KCNMB2: variants seen among roughly 807,000 people sequenced by gnomAD.
KCNMB2 encodes calcium-activated potassium channel subunit beta-2.
In KCNMB2, 9 loss-of-function variants were observed where a neutral mutation model predicts 24.5. That is an observed-to-expected ratio of 0.37 (90% CI 0.22 to 0.64). The LOEUF is 0.64. Among genes scored for constraint, KCNMB2 ranks in the 30% least tolerant of loss-of-function variants. The pLI is 0.63. For missense variants in KCNMB2, 226 were observed against 284.3 expected (o/e 0.79, Z 1.47); for synonymous variants, 109 against 104.4 (o/e 1.04, Z -0.27).
At chr3:178,656,630 G>A (rs548355187) in intron 1 of KCNMB2, among the ~76,000 whole-genome samples, 13 of 152,124 alleles carry the variant, frequency 8.5e-5, no homozygotes, top group African/African-American at 1.4e-4. Context: ...AAAATTAGCC[G>A]GGTGTGGCGG....
At chr3:178,670,106 T>C (rs1266883474) in intron 1 of KCNMB2, among the ~76,000 whole-genome samples, 1 of 152,196 alleles carries the variant, frequency 6.6e-6, no homozygotes, top group Admixed American at 6.6e-5. Context: ...CCTCTTCTAT[T>C]ACCACTTATT....
chr3:178,827,293 A>G (rs9844423), intron 3 of KCNMB2, among the ~76,000 whole-genome samples: 98,210 of 152,040 alleles, frequency 0.65, 33,614 homozygotes, highest in African/African-American at 0.87. Flanking sequence ...CAGGTGAGAG[A>G]TAACAGGGCA....
chr3:178,652,890 T>C (rs563299920), intron 1 of KCNMB2, among the ~76,000 whole-genome samples: 77 of 152,228 alleles, frequency 5.1e-4, no homozygotes, highest in Non-Finnish European at 8.2e-4. Context: ...CTCAAACTCC[T>C]GACCCCAGGT....
intron 1 of KCNMB2, among the ~76,000 whole-genome samples, chr3:178,645,983 AT>A (rs1286223952): frequency 6.6e-6 from 1 of 152,020 alleles, no homozygotes; most frequent in East Asian, 1.9e-4. Context: ...GAGGGCACAT[AT>A]TTTTTTCCGC....
intron 4 of KCNMB2, among the ~76,000 whole-genome samples, chr3:178,837,398 G>T (rs1359787171): frequency 6.6e-6 from 1 of 152,106 alleles, no homozygotes; most frequent in Non-Finnish European, 1.5e-5. Context: ...CACATAACTT[G>T]CCTACAGTCA....
intron 1 of KCNMB2, among the ~76,000 whole-genome samples, chr3:178,795,430 T>C (rs1713501003): frequency 6.6e-6 from 1 of 152,198 alleles, no homozygotes. Context: ...TGACCACACA[T>C]AGGAGATTAT....
At chr3:178,679,433 G>A (rs748534950) in intron 1 of KCNMB2, among the ~76,000 whole-genome samples, 15 of 152,232 alleles carry the variant, frequency 9.9e-5, no homozygotes, top group East Asian at 1.9e-4. Flanking sequence ...GAATGAATGC[G>A]TATTAAAATC....
chr3:178,839,197 A>AC (rs398106793), intron 4 of KCNMB2, among the ~76,000 whole-genome samples: 1 of 150,904 alleles, frequency 6.6e-6, no homozygotes, highest in African/African-American at 2.4e-5. Context: ...AAAAAAAAAA[A>AC]CCCTCATTAT....
At chr3:178,779,418 C>A (rs1560018188) in intron 1 of KCNMB2, among the ~76,000 whole-genome samples, 1 of 152,148 alleles carries the variant, frequency 6.6e-6, no homozygotes, top group Non-Finnish European at 1.5e-5. Context: ...AAGAATTGTA[C>A]TGGCATAGGT....
At chr3:178,558,646 G>A (rs907264187) in intron 1 of KCNMB2, 2 of 152,018 alleles carry the variant, frequency 1.3e-5, no homozygotes, top group Non-Finnish European at 2.9e-5. Flanking sequence ...CTCAATTTCA[G>A]GTTCCTTATC....
intron 1 of KCNMB2, among the ~76,000 whole-genome samples, chr3:178,697,925 G>A (rs139506017): frequency 7.3e-4 from 111 of 151,674 alleles, no homozygotes; most frequent in African/African-American, 2.6e-3. Flanking sequence ...GTTGAATATT[G>A]GTCCCCAATC....
intron 1 of KCNMB2, among the ~76,000 whole-genome samples, chr3:178,773,404 T>G (rs1283446984): frequency 6.6e-6 from 1 of 152,196 alleles, no homozygotes; most frequent in Non-Finnish European, 1.5e-5. Flanking sequence ...TGCTCAATAA[T>G]ATTAATATCA....
At chr3:178,771,234 T>G (rs932504529) in intron 1 of KCNMB2, among the ~76,000 whole-genome samples, 7 of 152,062 alleles carry the variant, frequency 4.6e-5, no homozygotes, top group Non-Finnish European at 1.5e-5. Context: ...ATCTCTGTCC[T>G]GACTCTTTCT....
chr3:178,624,655 T>C (rs532646748), intron 1 of KCNMB2, among the ~76,000 whole-genome samples: 43 of 151,736 alleles, frequency 2.8e-4, no homozygotes, highest in African/African-American at 9.0e-4. Context: ...GTTTCACTTA[T>C]ATTTTCATGG....
At chr3:178,756,363 T>C (rs990440797) in intron 1 of KCNMB2, among the ~76,000 whole-genome samples, 6 of 152,090 alleles carry the variant, frequency 3.9e-5, no homozygotes, top group South Asian at 2.1e-4. Flanking sequence ...ACTATTCCTA[T>C]GGGAAATAAA....
At chr3:178,743,859 G>A (rs7624095) in intron 1 of KCNMB2, among the ~76,000 whole-genome samples, 54,208 of 152,030 alleles carry the variant, frequency 0.36, 10,083 homozygotes, top group African/African-American at 0.46. Flanking sequence ...TTCATCGACC[G>A]CTGGTCTTGC....
intron 1 of KCNMB2, among the ~76,000 whole-genome samples, chr3:178,615,599 C>A (rs764829779): frequency 3.9e-5 from 6 of 152,188 alleles, no homozygotes; most frequent in African/African-American, 1.4e-4. Flanking sequence ...GCCAATGTTC[C>A]CTTTAGGCTC....
chr3:178,689,751 G>A (rs925670388), intron 1 of KCNMB2, among the ~76,000 whole-genome samples: 1 of 152,156 alleles, frequency 6.6e-6, no homozygotes, highest in Admixed American at 6.5e-5. Flanking sequence ...CATAGACCTT[G>A]CATGGATAGG....
intron 1 of KCNMB2, among the ~76,000 whole-genome samples, chr3:178,649,382 T>A (rs1479080839): frequency 6.6e-6 from 1 of 152,156 alleles, no homozygotes; most frequent in Non-Finnish European, 1.5e-5. Context: ...TTGCATATTA[T>A]GTGAGGTAGG....
Sources: gnomAD v4.1 joint callset for allele counts (sites outside exome capture counted in the v4.1 genomes callset) on GRCh38, gnomAD v4.1.1 for gene constraint, MANE v1.5 for transcripts, NCBI Gene and HGNC (gene_info 2026-07-23, HGNC 2026-07-21) for gene names.